DYM: variants seen among roughly 807,000 people sequenced by gnomAD.
The protein encoded by DYM is dyggve-Melchior-Clausen syndrome protein.
Under a neutral mutation model 93.1 loss-of-function variants are expected in DYM, and 78 were observed. The observed-to-expected ratio is 0.84, with a 90% CI of 0.70 to 1.01. DYM has a LOEUF of 1.01. Ranked by LOEUF, DYM falls within the 50% of genes least tolerant of loss-of-function variation. The pLI is 0.00. For missense variants in DYM, 789 were observed against 845.0 expected (o/e 0.93, Z 0.82); for synonymous variants, 321 against 319.7 (o/e 1.00, Z -0.04).
chr18:49,312,279 G>A (rs2061645968), intron 8 of DYM, among the ~76,000 whole-genome samples: 2 of 152,164 alleles, frequency 1.3e-5, no homozygotes, highest in South Asian at 2.1e-4. Context: ...TGAAAGCCAA[G>A]CTGCAAGTTA....
intron 1 of DYM, among the ~76,000 whole-genome samples, chr18:49,451,822 G>C (rs1021228886): frequency 4.6e-5 from 7 of 152,292 alleles, no homozygotes; most frequent in Middle Eastern, 3.4e-3. Flanking sequence ...TTAAATCCTA[G>C]TCACATTAAT....
At chr18:49,097,005 G>A (rs538257621) in intron 17 of DYM, among the ~76,000 whole-genome samples, 24 of 152,272 alleles carry the variant, frequency 1.6e-4, no homozygotes, top group African/African-American at 5.3e-4. Flanking sequence ...GGGACTGAAT[G>A]AGCTTGATAT....
At chr18:49,139,119 T>A (rs900984026) in intron 15 of DYM, among the ~76,000 whole-genome samples, 1 of 152,172 alleles carries the variant, frequency 6.6e-6, no homozygotes, top group Non-Finnish European at 1.5e-5. Flanking sequence ...ACATGAGGAA[T>A]AGCTTTCCTG....
chr18:49,216,019 G>A (rs1057440855), intron 13 of DYM, among the ~76,000 whole-genome samples: 1 of 152,220 alleles, frequency 6.6e-6, no homozygotes, highest in Non-Finnish European at 1.5e-5. Context: ...GTGACAGATG[G>A]CACCTGGAAA....
intron 2 of DYM, among the ~76,000 whole-genome samples, chr18:49,421,642 C>T (rs1280936338): frequency 1.3e-5 from 2 of 152,166 alleles, no homozygotes; most frequent in African/African-American, 2.4e-5. Flanking sequence ...CAAAGCTGGA[C>T]GGAGAATGAC....
At chr18:49,379,377 TG>T (rs922507544) in intron 4 of DYM, among the ~76,000 whole-genome samples, 2 of 151,942 alleles carry the variant, frequency 1.3e-5, no homozygotes, top group African/African-American at 2.4e-5. Context: ...GCAGTGATAA[TG>T]GGGGGGAGGG....
chr18:49,036,641 T>G lies in DYM; in HGVS notation c.*7414A>C, dbSNP rs1230828649. Among the ~76,000 whole-genome samples, 1 of 152,092 alleles carries G rather than the reference T, an allele frequency of 6.6e-6. No individual in the cohort carries two copies. The highest frequency in any genetic ancestry group is 1.5e-5 in the Non-Finnish European group (1 of 68,018). On this transcript the variant is annotated 3_prime_UTR_variant, in exon 18 of 18. Coordinates refer to ENST00000675505, the MANE Select transcript of DYM (RefSeq NM_001353214.3). ...ACCACAGCTCACTGCAGCCTCTACCTCCTGGGCTCAGGTAATCCTCCTACC... is the reference window on the plus strand; with the variant it reads ...ACCACAGCTCACTGCAGCCTCTACCGCCTGGGCTCAGGTAATCCTCCTACC...
chr18:49,405,262 G>C lies in DYM; in HGVS notation c.141-13617C>G, dbSNP rs550711689. On this transcript the variant is annotated intron_variant, in intron 2 of 17. Coordinates refer to ENST00000675505, the MANE Select transcript of DYM (RefSeq NM_001353214.3). The stretch of plus-strand genomic sequence containing the variant: ...TCGTTAGTTTAAATAGATTCCACTG[G>C]TCAATTTTTGTTTTTGTTACAATTG... Among the ~76,000 whole-genome samples, 32 of 152,136 alleles carry C rather than the reference G, an allele frequency of 2.1e-4. No individual in the cohort carries two copies. In the East Asian group the frequency reaches 4.4e-3, roughly 21 times the overall value.
chr18:49,379,496 C>T, intron 4 of DYM, among the ~76,000 whole-genome samples, 169 bp downstream of exon 4: 1 of 152,212 alleles, frequency 6.6e-6, no homozygotes, highest in East Asian at 1.9e-4. Flanking sequence ...TAATCTCACC[C>T]CAGTGACTTA....
At chr18:49,450,226 G>A (rs1383671070) in intron 1 of DYM, among the ~76,000 whole-genome samples, 2 of 152,262 alleles carry the variant, frequency 1.3e-5, no homozygotes, top group South Asian at 4.1e-4. Flanking sequence ...ACACGGCAAG[G>A]CTGTCTTAAG....
intron 2 of DYM, chr18:49,393,631 G>A (rs1429472409): frequency 6.6e-6 from 1 of 152,152 alleles, no homozygotes; most frequent in East Asian, 1.9e-4. Flanking sequence ...TTAGCCGGGT[G>A]TGGTGGTGCA....
chr18:49,258,799 CACACACACACACACACACACACAGAG>C (rs1244406229), intron 11 of DYM, among the ~76,000 whole-genome samples: 1 of 131,688 alleles, frequency 7.6e-6, no homozygotes, highest in Non-Finnish European at 1.6e-5. Context: ...CACACACACA[CACACACACACACACACACACACAGAG>C]ACACACACAC....
intron 7 of DYM, 91 bp downstream of exon 7, chr18:49,333,637 A>T: frequency 7.4e-7 from 1 of 1,346,068 alleles, no homozygotes; most frequent in Non-Finnish European, 1.1e-6. Context: ...ACCTGGTTGG[A>T]GATATGGGAC....
At chr18:49,434,705 C>T (rs925169610) in intron 1 of DYM, among the ~76,000 whole-genome samples, 1 of 151,984 alleles carries the variant, frequency 6.6e-6, no homozygotes, top group Non-Finnish European at 1.5e-5. Context: ...GTGGATCACG[C>T]CTGTAATCAC....
intron 17 of DYM, among the ~76,000 whole-genome samples, chr18:49,081,815 A>C (rs898285218): frequency 6.6e-6 from 1 of 152,116 alleles, no homozygotes; most frequent in African/African-American, 2.4e-5. Flanking sequence ...AGGCTCTGCT[A>C]CTTTTCCACA....
chr18:49,143,652 T>C lies in DYM; in HGVS notation c.1728+20033A>G, dbSNP rs532534419. 7.4e-4 allele frequency among the ~76,000 whole-genome samples: 112 copies of C among 152,300 alleles called. 2 individuals are homozygous for C. Among genetic ancestry groups the C allele is most frequent in the African/African-American group, 2.7e-3 (111 of 41,578 alleles). On this transcript the variant is annotated intron_variant, in intron 15 of 17. Coordinates refer to ENST00000675505, the MANE Select transcript of DYM (RefSeq NM_001353214.3). ...ACTCATATTATTTAACTTAAAAAAA[T>C]TGTGGTGAAATAAACATAAAATTTA... is the stretch of plus-strand genomic sequence containing the variant.
chr18:49,240,551 T>C (rs1040077290), intron 13 of DYM, among the ~76,000 whole-genome samples: 13 of 152,186 alleles, frequency 8.5e-5, no homozygotes, highest in African/African-American at 2.2e-4. Context: ...ACTAACATCA[T>C]TGATGTTATA....
chr18:49,043,854 G>T lies in DYM; in HGVS notation c.*201C>A, dbSNP rs1255496771. ...TTGTTGTGTATTTCCTCCCCTTTTTGCAATACTATCTACGCTGAGTTATCT... is the reference window on the plus strand; with the variant it reads ...TTGTTGTGTATTTCCTCCCCTTTTTTCAATACTATCTACGCTGAGTTATCT... On this transcript the variant is annotated 3_prime_UTR_variant, in exon 18 of 18. Transcript: ENST00000675505. 1 of 640,670 alleles carries T rather than the reference G, an allele frequency of 1.6e-6. No homozygotes were observed. The highest frequency in any genetic ancestry group is 2.7e-6 in the Non-Finnish European group (1 of 364,850). The allele number at this position is 640,670 out of a possible 1,614,324, so 39.7% of individuals were successfully genotyped here. A position where few individuals can be genotyped will look rare whatever the true frequency, so the allele number is the denominator to read the frequency against.
intron 2 of DYM, among the ~76,000 whole-genome samples, chr18:49,399,936 T>A (rs1392268483): frequency 0.12 from 9,414 of 79,712 alleles, 310 homozygotes; most frequent in East Asian, 0.34. Flanking sequence ...TTATTTTTCT[T>A]TTTTTTTTTT....
Sources: allele counts gnomAD v4.1 joint callset (sites outside exome capture counted in the v4.1 genomes callset), GRCh38; gene constraint gnomAD v4.1.1; transcripts MANE v1.5; gene names NCBI Gene and HGNC (gene_info 2026-07-23, HGNC 2026-07-21).